Variants in EYS observed in about 807,000 individuals in gnomAD.
The protein encoded by EYS is EGF-like photoreceptor maintenance factor, also known as protein eyes shut homolog.
In EYS, 250 loss-of-function variants were observed where a neutral mutation model predicts 282.1. That is an observed-to-expected ratio of 0.89 (90% CI 0.80 to 0.98). EYS has a LOEUF of 0.98. Among genes scored for constraint, EYS ranks in the 50% least tolerant of loss-of-function variants. EYS has a pLI of 0.00. For synonymous variants in EYS, 1,355 were observed against 1,282.9 expected, an observed-to-expected ratio of 1.06 and a Z score of -1.20; for missense variants, 4,016 against 3,709.0, an observed-to-expected ratio of 1.08 and a Z score of -2.15.
chr6:65,026,534 C>T (rs960346055), intron 13 of EYS, among the ~76,000 whole-genome samples: 5 of 152,124 alleles, frequency 3.3e-5, no homozygotes, highest in South Asian at 2.1e-4. Flanking sequence ...TATGGGCCTG[C>T]GTTGCCTTCC....
At chr6:64,050,693 C>T (rs1037326999) in intron 33 of EYS, among the ~76,000 whole-genome samples, 10 of 152,286 alleles carry the variant, frequency 6.6e-5, no homozygotes, top group Admixed American at 2.6e-4. Context: ...GCATGCTGCT[C>T]TCTCAGCTAG....
intron 28 of EYS, among the ~76,000 whole-genome samples, chr6:64,430,671 T>C (rs1774547818): frequency 6.6e-6 from 1 of 152,170 alleles, no homozygotes; most frequent in Admixed American, 6.5e-5. Context: ...TTGTTTTAGC[T>C]GATGTACTCT....
At chr6:64,826,994 C>T (rs188933920) in intron 19 of EYS, among the ~76,000 whole-genome samples, 1 of 151,738 alleles carries the variant, frequency 6.6e-6, no homozygotes, top group Non-Finnish European at 1.5e-5. Context: ...ATACTCTCAT[C>T]TCCTGGTTTA....
At chr6:65,123,657 T>A (rs569471632) in intron 12 of EYS, among the ~76,000 whole-genome samples, 102 of 152,168 alleles carry the variant, frequency 6.7e-4, no homozygotes, top group African/African-American at 2.2e-3. Flanking sequence ...TAATGTTATG[T>A]CTTTTCAAAA....
intron 26 of EYS, among the ~76,000 whole-genome samples, chr6:64,522,720 T>C (rs961371248): frequency 6.6e-6 from 1 of 151,724 alleles, no homozygotes; most frequent in African/African-American, 2.4e-5. Flanking sequence ...TTTCTTCACA[T>C]ATTCAGGTCT....
At chr6:65,565,476 A>G (rs1202969918) in intron 2 of EYS, among the ~76,000 whole-genome samples, 1 of 152,158 alleles carries the variant, frequency 6.6e-6, no homozygotes, top group Non-Finnish European at 1.5e-5. Context: ...ATGGAGGAAT[A>G]GGAATGCTTT....
At chr6:63,912,894 T>A (rs2624660) in intron 35 of EYS, among the ~76,000 whole-genome samples, 1 of 151,548 alleles carries the variant, frequency 6.6e-6, no homozygotes, top group Non-Finnish European at 1.5e-5. Flanking sequence ...CCCTCAGAAC[T>A]GTGAGCCAAT....
intron 1 of EYS, among the ~76,000 whole-genome samples, chr6:65,689,275 C>CA (rs1355125540): frequency 2.7e-5 from 4 of 148,796 alleles, no homozygotes; most frequent in African/African-American, 9.8e-5. Context: ...ATCGCAAGGA[C>CA]AAAAAACCAA....
chr6:65,133,253 C>G (rs1775931564), intron 12 of EYS, among the ~76,000 whole-genome samples: 1 of 151,742 alleles, frequency 6.6e-6, no homozygotes, highest in Non-Finnish European at 1.5e-5. Flanking sequence ...GCCCACATAA[C>G]CAAGGCAATC....
intron 24 of EYS, among the ~76,000 whole-genome samples, chr6:64,603,907 T>C (rs1766841204): frequency 7.5e-6 from 1 of 132,906 alleles, no homozygotes; most frequent in African/African-American, 2.7e-5. Flanking sequence ...GTGTGTGTTC[T>C]CTGCCTGAAG....
chr6:63,864,832 C>G (rs977571989), intron 35 of EYS, among the ~76,000 whole-genome samples: 1 of 152,162 alleles, frequency 6.6e-6, no homozygotes, highest in African/African-American at 2.4e-5. Flanking sequence ...AAATAAGACA[C>G]AGTGGGGAGC....
intron 31 of EYS, among the ~76,000 whole-genome samples, chr6:64,226,428 C>T (rs551168896): frequency 6.6e-6 from 1 of 152,074 alleles, no homozygotes; most frequent in South Asian, 2.1e-4. Flanking sequence ...ATTTATAAAA[C>T]TGTTTTATAG....
chr6:64,985,183 C>T (rs1376650057), intron 14 of EYS, among the ~76,000 whole-genome samples: 1 of 151,542 alleles, frequency 6.6e-6, no homozygotes, highest in African/African-American at 2.4e-5. Context: ...TGAAGACCAT[C>T]CTTGTCAAAA....
chr6:64,817,171 C>G (rs191761173), intron 21 of EYS, among the ~76,000 whole-genome samples: 163 of 152,146 alleles, frequency 1.1e-3, no homozygotes, highest in Non-Finnish European at 1.2e-3. Context: ...TGGACTCCAA[C>G]TCAAACCCTC....
At chr6:64,397,771 T>C (rs923780117) in intron 28 of EYS, among the ~76,000 whole-genome samples, 1 of 151,974 alleles carries the variant, frequency 6.6e-6, no homozygotes, top group Non-Finnish European at 1.5e-5. Flanking sequence ...TGACTTCTGC[T>C]CTTTATGATT....
At chr6:65,504,323 T>A (rs1305057319) in intron 2 of EYS, among the ~76,000 whole-genome samples, 1 of 151,694 alleles carries the variant, frequency 6.6e-6, no homozygotes, top group Non-Finnish European at 1.5e-5. Flanking sequence ...CTATACTGAC[T>A]TATTTAAGGC....
In EYS at chr6:64,886,745, C is replaced by A. The variant is rs1347071957; in HGVS notation, c.2944G>T (p.Val982Phe). 1.3e-5 allele frequency: 20 copies of A among 1,547,140 alleles called. No homozygotes were observed. The highest frequency in any genetic ancestry group is 1.7e-5 in the Non-Finnish European group (20 of 1,144,566). ...ISPCLDEENC[V>F]YRTDGYNCLC... is the part of the protein sequence containing the mutation. The stretch of plus-strand genomic sequence containing the variant: ...CAGTTGTATCCATCAGTCCTGTAGA[C>A]ACAATTTTCTTCATCTAGACAAGGT... The change falls in exon 19 of 43, where the codon GTC becomes TTC. Residue 982 changes from valine to phenylalanine, a missense_variant. By Grantham distance (50) the Val-to-Phe change is conservative. Transcript: ENST00000503581.
intron 21 of EYS, 148 bp downstream of exon 21, chr6:64,821,497 C>A (rs1448337975): frequency 8.6e-6 from 4 of 466,738 alleles, no homozygotes; most frequent in South Asian, 8.8e-5. Context: ...TTTGGAGCAG[C>A]CAAAGAATTA....
intron 12 of EYS, among the ~76,000 whole-genome samples, chr6:65,194,853 GT>G (rs34946669): frequency 2.0e-3 from 292 of 142,668 alleles, no homozygotes; most frequent in East Asian, 8.3e-3. Context: ...TTTGCCAGTT[GT>G]TTTTTTTTTT....
Sources: gnomAD v4.1 joint callset for allele counts (sites outside exome capture counted in the v4.1 genomes callset) on GRCh38, gnomAD v4.1.1 for gene constraint, MANE v1.5 for transcripts, NCBI Gene and HGNC (gene_info 2026-07-23, HGNC 2026-07-21) for gene names.